POC1B: variants seen among roughly 807,000 people sequenced by gnomAD.
POC1B encodes the protein POC1 centriolar protein homolog B.
POC1B carries 44 observed loss-of-function variants against 60.6 expected under a neutral mutation model. The observed-to-expected ratio is 0.73, with a 90% CI of 0.57 to 0.93. The LOEUF (loss-of-function observed/expected upper bound fraction) is 0.93. Ranked by LOEUF, POC1B falls within the 40% of genes least tolerant of loss-of-function variation. POC1B has a pLI of 0.00. For synonymous variants in POC1B, 180 were observed against 198.9 expected (o/e 0.90, Z 0.80); for missense variants, 555 against 572.3 (o/e 0.97, Z 0.31).
intron 10 of POC1B, among the ~76,000 whole-genome samples, chr12:89,458,293 A>G (rs1882338614): frequency 6.6e-6 from 1 of 152,238 alleles, no homozygotes; most frequent in South Asian, 2.1e-4. Context: ...TTCATTGAAC[A>G]TAAACGTACT....
At chr12:89,485,222 G>T (rs1868566317) in intron 4 of POC1B, 1 of 152,184 alleles carries the variant, frequency 6.6e-6, no homozygotes, top group African/African-American at 2.4e-5. Flanking sequence ...TCCTGGATTA[G>T]AATGATTTCA....
intron 10 of POC1B, among the ~76,000 whole-genome samples, chr12:89,430,681 G>A (rs1227423840): frequency 2.6e-5 from 4 of 152,074 alleles, no homozygotes; most frequent in Non-Finnish European, 5.9e-5. Context: ...CGTGCCATCA[G>A]TAGAGGATTT....
chr12:89,522,700 G>T, intron 2 of POC1B: 2 of 1,385,224 alleles, frequency 1.4e-6, no homozygotes, highest in Non-Finnish European at 9.6e-7. Context: ...GTGCTCCACA[G>T]ATGACTGCTA....
chr12:89,502,671 G>C (rs1416826882), intron 2 of POC1B: 6 of 1,335,330 alleles, frequency 4.5e-6, no homozygotes, highest in Non-Finnish European at 6.4e-6. Flanking sequence ...GTTAAGCATG[G>C]TGAGTTGAAG....
At chr12:89,518,523 A>ATTAT (rs1259245130) in intron 2 of POC1B, among the ~76,000 whole-genome samples, 5 of 152,170 alleles carry the variant, frequency 3.3e-5, no homozygotes, top group African/African-American at 1.2e-4. Context: ...AAACTGAGAT[A>ATTAT]TTATTTAAAT....
intron 2 of POC1B, chr12:89,523,051 G>A (rs775131558): frequency 6.2e-7 from 1 of 1,613,774 alleles, no homozygotes; most frequent in African/African-American, 1.3e-5. Context: ...ACATAACTCT[G>A]TCACAGAATT....
intron 4 of POC1B, among the ~76,000 whole-genome samples, chr12:89,490,636 T>A (rs1215103097): frequency 6.6e-6 from 1 of 152,026 alleles, no homozygotes; most frequent in African/African-American, 2.4e-5. Context: ...TGAGCCACCG[T>A]GCCCAGCCCC....
intron 2 of POC1B, among the ~76,000 whole-genome samples, chr12:89,503,289 A>AT (rs1005674200): frequency 2.0e-5 from 3 of 152,000 alleles, no homozygotes; most frequent in South Asian, 4.2e-4. Flanking sequence ...TGGTTTTTGT[A>AT]TTTTTTTGGT....
At chr12:89,425,477 C>T in intron 10 of POC1B, 98 bp from the exon 11 acceptor site, 1 of 888,246 alleles carries the variant, frequency 1.1e-6, no homozygotes, top group Non-Finnish European at 1.6e-6. Context: ...AAAGCCCAGG[C>T]TTACATTGAA....
intron 2 of POC1B, chr12:89,502,158 A>G: frequency 8.5e-7 from 1 of 1,173,394 alleles, no homozygotes; most frequent in Non-Finnish European, 1.3e-6. Context: ...AGGAAAGTGG[A>G]CCTTCCAGGC....
intron 11 of POC1B, among the ~76,000 whole-genome samples, chr12:89,424,707 T>C (rs1209741968): frequency 1.3e-5 from 2 of 152,150 alleles, no homozygotes; most frequent in African/African-American, 4.8e-5. Context: ...TTTGCAAAGG[T>C]AAACTGGCCT....
chr12:89,516,077 T>C (rs1300983647), intron 2 of POC1B, among the ~76,000 whole-genome samples: 5 of 152,170 alleles, frequency 3.3e-5, no homozygotes, highest in Non-Finnish European at 7.3e-5. Context: ...GGGTCTTATA[T>C]ACTCCAAAGT....
At chr12:89,489,775 C>T (rs867887265) in intron 4 of POC1B, among the ~76,000 whole-genome samples, 60 of 152,192 alleles carry the variant, frequency 3.9e-4, no homozygotes, top group Non-Finnish European at 1.6e-4. Flanking sequence ...ATACCCCATA[C>T]CTGCTTCTTG....
intron 10 of POC1B, among the ~76,000 whole-genome samples, chr12:89,455,856 C>T (rs778639526): frequency 5.3e-5 from 8 of 152,152 alleles, no homozygotes; most frequent in Non-Finnish European, 1.2e-4. Flanking sequence ...AAAGGAACAA[C>T]AGCAAGATTA....
intron 2 of POC1B, chr12:89,500,001 T>C (rs1869468490): frequency 1.2e-6 from 1 of 864,740 alleles, no homozygotes; most frequent in African/African-American, 1.7e-5. Flanking sequence ...CGCCTGGTAG[T>C]CCGGCGATTC....
intron 7 of POC1B, among the ~76,000 whole-genome samples, chr12:89,469,754 T>C (rs1032364956): frequency 5.3e-5 from 8 of 152,196 alleles, no homozygotes; most frequent in African/African-American, 1.7e-4. Context: ...CCATCACCAT[T>C]TACCCAGTCA....
chr12:89,460,783 A>G (rs1882454087), intron 9 of POC1B: 1 of 152,242 alleles, frequency 6.6e-6, no homozygotes, highest in African/African-American at 2.4e-5. Flanking sequence ...TCAAAATTAA[A>G]CAATAATTAT....
chr12:89,411,076 C>T, the POC1B span, among the ~76,000 whole-genome samples: 1 of 152,032 alleles, frequency 6.6e-6, no homozygotes, highest in Non-Finnish European at 1.5e-5. Context: ...ATGTGAAGGA[C>T]CTCTTCAAGG....
At chr12:89,510,041 G>T (rs952320432) in intron 2 of POC1B, among the ~76,000 whole-genome samples, 1 of 152,108 alleles carries the variant, frequency 6.6e-6, no homozygotes, top group African/African-American at 2.4e-5. Flanking sequence ...TAGAGACAGG[G>T]TTTCAGCATA....
Sources: gnomAD v4.1 joint callset for allele counts (sites outside exome capture counted in the v4.1 genomes callset) on GRCh38, gnomAD v4.1.1 for gene constraint, MANE v1.5 for transcripts, NCBI Gene and HGNC (gene_info 2026-07-23, HGNC 2026-07-21) for gene names.